Variants in FBXW10 observed in about 807,000 individuals in gnomAD.
The protein encoded by FBXW10 is F-box/WD repeat-containing protein 10.
FBXW10 carries 68 observed loss-of-function variants against 113.1 expected under a neutral mutation model. The ratio of observed to expected loss-of-function variants is 0.60; its 90% CI spans 0.49 to 0.74. The LOEUF (loss-of-function observed/expected upper bound fraction) is 0.74, where lower values mean the gene tolerates loss of function less well. Ranked by LOEUF, FBXW10 falls within the 30% of genes least tolerant of loss-of-function variation. The pLI is 0.00. For missense variants in FBXW10, 753 were observed against 1,284.5 expected (o/e 0.59, Z 6.32); for synonymous variants, 289 against 481.6 (o/e 0.60, Z 5.24).
chr17:18,756,298 T>C (rs1430658052), intron 6 of FBXW10, 144 bp downstream of exon 6: 5 of 717,520 alleles, frequency 7.0e-6, no homozygotes, highest in Admixed American at 2.5e-5. Flanking sequence ...CATGATCCCA[T>C]GTAGACAATA....
At chr17:18,771,118 CA>C (rs924724689) in intron 11 of FBXW10, among the ~76,000 whole-genome samples, 15 of 123,778 alleles carry the variant, frequency 1.2e-4, no homozygotes, top group African/African-American at 4.9e-4. Context: ...AAAAAAAAAA[CA>C]AAACAAAACT....
Position 18,749,764 on chromosome 17 carries a change from A to G in FBXW10, c.713A>G (p.Asn238Ser), listed in dbSNP as rs2035121013. Residue 238 changes from asparagine (N) to serine (S), a missense_variant, in exon 3 of 14, where the codon AAT becomes AGT. Physicochemically the swap from Asn to Ser is conservative, Grantham distance 46. Coordinates refer to ENST00000395665, the MANE Select transcript of FBXW10 (RefSeq NM_001267585.2). The stretch of plus-strand genomic sequence containing the variant: ...TCACTCCGGTGTATATCCGAAATGA[A>G]TAGGCTGTTTTCTGGAAAAGGAGAC... The part of the protein sequence containing the change: ...RNSLRCISEM[N>S]RLFSGKGDIT... 2 of 1,614,070 alleles carry G rather than the reference A, an allele frequency of 1.2e-6. No homozygotes were observed. Among genetic ancestry groups the G allele is most frequent in the Non-Finnish European group, 1.7e-6 (2 of 1,180,026 alleles).
chr17:18,750,039 T>C lies in FBXW10; in HGVS notation c.901T>C (p.Cys301Arg). Residue 301 changes from cysteine (C) to arginine (R), a missense_variant, in exon 4 of 14, where the codon TGC (cysteine) becomes CGC (arginine). By Grantham distance (180) the Cys-to-Arg change is radical (BLOSUM62 -3). Coordinates refer to ENST00000395665, the MANE Select transcript of FBXW10 (RefSeq NM_001267585.2). ...RMLDRHTLNK[C>R]ASVSQHWAAM... Reference sequence around the variant, plus strand: ...GCTGGATAGACACACCCTGAACAAGTGCGCCTCTGTGAGCCAGCACTGGGC... The same window carrying C: ...GCTGGATAGACACACCCTGAACAAGCGCGCCTCTGTGAGCCAGCACTGGGC... 6.2e-7 allele frequency: 1 copy of C among 1,613,902 alleles called. No homozygotes were observed. The highest frequency in any genetic ancestry group is 1.3e-5 in the African/African-American group (1 of 74,946).
Position 18,748,065 on chromosome 17 carries a change from C to T in FBXW10, c.630C>T (p.Ala210=), listed in dbSNP as rs749398167. 3.7e-6 allele frequency: 6 copies of T among 1,613,798 alleles called. No individual in the cohort carries two copies. The highest frequency in any genetic ancestry group is 5.1e-6 in the Non-Finnish European group (6 of 1,179,856). The change falls in exon 2 of 14, where the codon GCC becomes GCT. Residue 210 remains alanine (A), a synonymous_variant. Coordinates refer to ENST00000395665, the MANE Select transcript of FBXW10 (RefSeq NM_001267585.2). ...ACACATCCCTTCCTTTGTCCAAAGC[C>T]CCAGAAAATGAACACTTGCTTGGGG... ...TQHTSLPLSK[A]PENEHLLGAA...
chr17:18,747,100 G>C (rs2151785606), intron 1 of FBXW10, among the ~76,000 whole-genome samples: 2 of 151,598 alleles, frequency 1.3e-5, no homozygotes, highest in Non-Finnish European at 2.9e-5. Flanking sequence ...AATTTTTTTT[G>C]TATTTCTAAT....
chr17:18,769,269 A>T (rs1027613280), intron 10 of FBXW10, among the ~76,000 whole-genome samples: 2 of 152,196 alleles, frequency 1.3e-5, no homozygotes, highest in Non-Finnish European at 2.9e-5. Flanking sequence ...AAAACATTAA[A>T]TAATTCTCAG....
Position 18,779,289 on chromosome 17 carries a change from A to G in FBXW10, c.3150A>G (p.Val1050=). 1 of 1,207,894 alleles carries G rather than the reference A, an allele frequency of 8.3e-7. No individual in the cohort carries two copies. Among genetic ancestry groups the G allele is most frequent in the East Asian group, 2.4e-5 (1 of 42,228 alleles). 74.8% of individuals were successfully genotyped at this position (1,207,894 alleles called of 1,614,324 possible). A position where few individuals can be genotyped will look rare whatever the true frequency, so the allele number is the denominator to read the frequency against. ...KTAAPELGQN[V]FI is the part of the protein sequence containing the mutation. ...CGGCCCCTGAACTTGGACAAAATGT[A>G]TTTATCTAAACCAGCCTTGGGAAAT... The change falls in exon 14 of 14, where the codon GTA becomes GTG. Residue 1050 remains valine (V), a synonymous_variant. Coordinates refer to ENST00000395665, the MANE Select transcript of FBXW10 (RefSeq NM_001267585.2).
chr17:18,747,509 C>A (rs2035060503), intron 1 of FBXW10, among the ~76,000 whole-genome samples: 1 of 152,024 alleles, frequency 6.6e-6, no homozygotes. Context: ...TGAGCCAAGA[C>A]CGAGCCATTG....
At chr17:18,754,100 G>A (rs1243926610) in intron 5 of FBXW10, among the ~76,000 whole-genome samples, 1 of 151,992 alleles carries the variant, frequency 6.6e-6, no homozygotes, top group Admixed American at 6.6e-5. Context: ...AGATCGAGGA[G>A]GTGTTGTTGC....
chr17:18,745,288 AAAT>A lies in FBXW10; in HGVS notation c.505+542_505+544del, dbSNP rs538458415. ...CAAGGCTGGAGATAGCTTAAGGGCC[AAAT>A]AAGTCTAGGGTGGTAGTTCTCCAGC... is the stretch of plus-strand genomic sequence containing the variant. On this transcript the variant is annotated intron_variant, in intron 1 of 13. Transcript: ENST00000395665. 7,675 of 860,066 alleles carry A rather than the reference AAAT, an allele frequency of 8.9e-3. 35 individuals are homozygous for A. The highest frequency in any genetic ancestry group is 0.01 in the Non-Finnish European group (7,189 of 711,810). The allele number at this position is 860,066 out of a possible 1,614,324, so 53.3% of individuals were successfully genotyped here.
chr17:18,745,204 A>G (rs1206473553), intron 1 of FBXW10: 7 of 947,568 alleles, frequency 7.4e-6, no homozygotes, highest in South Asian at 4.1e-5. Context: ...TTTTTTTTTC[A>G]TTCACTCTAC....
intron 1 of FBXW10, 30 bp from the exon 2 acceptor site, chr17:18,747,911 G>C (rs1375284639): frequency 2.5e-6 from 4 of 1,613,720 alleles, no homozygotes; most frequent in African/African-American, 1.3e-5. Context: ...CGCTTCAAGA[G>C]CAACCTTGTC....
chr17:18,770,463 C>T (rs867643686), intron 11 of FBXW10, among the ~76,000 whole-genome samples: 47 of 149,364 alleles, frequency 3.1e-4, no homozygotes, highest in African/African-American at 5.0e-4. Context: ...CCAGTATGCC[C>T]GGCTAATTTT....
intron 7 of FBXW10, among the ~76,000 whole-genome samples, chr17:18,760,101 A>G (rs113103355): frequency 0.27 from 40,652 of 151,628 alleles, 6,581 homozygotes; most frequent in Non-Finnish European, 0.38. Context: ...GCATATGAGA[A>G]TATCTCTTCT....
At chr17:18,752,165 A>G (rs1478582395) in intron 5 of FBXW10, among the ~76,000 whole-genome samples, 1 of 152,148 alleles carries the variant, frequency 6.6e-6, no homozygotes, top group Non-Finnish European at 1.5e-5. Flanking sequence ...GGTGACACAA[A>G]GGAGGAGACG....
chr17:18,761,451 G>A (rs1229519154), intron 7 of FBXW10, among the ~76,000 whole-genome samples: 1 of 151,990 alleles, frequency 6.6e-6, no homozygotes, highest in African/African-American at 2.4e-5. Context: ...ATTTTTAGTA[G>A]AGACAAGGTT....
Position 18,778,781 on chromosome 17 carries a change from G to A in FBXW10, c.2642G>A (p.Arg881Gln), listed in dbSNP as rs377642870. 219 of 1,613,642 alleles carry A rather than the reference G, an allele frequency of 1.4e-4. No individual in the cohort carries two copies. The highest frequency in any genetic ancestry group is 1.8e-4 in the Non-Finnish European group (209 of 1,179,828). ...RLSNPPIDVK[R>Q]TSIPLEIQKL... ...AGCAATCCTCCTATAGATGTGAAAC[G>A]AACCAGTATTCCCCTTGAAATCCAG... Residue 881 changes from arginine (R) to glutamine (Q), a missense_variant, in exon 14 of 14, where the codon CGA becomes CAA. Transcript: ENST00000395665.
At chr17:18,755,511 G>A (rs1188474996) in intron 5 of FBXW10, among the ~76,000 whole-genome samples, 7 of 151,378 alleles carry the variant, frequency 4.6e-5, no homozygotes, top group South Asian at 2.1e-4. Context: ...AGCTGAGATC[G>A]CACCACTACA....
chr17:18,768,440 G>T (rs2035546319), intron 9 of FBXW10, 94 bp from the exon 10 acceptor site: 6 of 1,522,590 alleles, frequency 3.9e-6, no homozygotes, highest in Admixed American at 3.9e-5. Flanking sequence ...CAGATTGGTG[G>T]GGGGTGGCTT....
Sources: gnomAD v4.1 joint callset for allele counts (sites outside exome capture counted in the v4.1 genomes callset) on GRCh38, gnomAD v4.1.1 for gene constraint, MANE v1.5 for transcripts, NCBI Gene and HGNC (gene_info 2026-07-23, HGNC 2026-07-21) for gene names.